The following ZNF397 variants were observed in gnomAD, a reference collection of about 807,000 sequenced individuals.
ZNF397 encodes the protein zinc finger protein 397.
ZNF397 carries 38 observed loss-of-function variants against 50.6 expected under a neutral mutation model. That is an observed-to-expected ratio of 0.75 (90% CI 0.58 to 0.98). The LOEUF is 0.98. Ranked by LOEUF, ZNF397 falls within the 50% of genes least tolerant of loss-of-function variation. The pLI is 0.00. For synonymous variants in ZNF397, 228 were observed against 215.2 expected (o/e 1.06, Z -0.52); for missense variants, 624 against 624.1 (o/e 1.00, Z 0.00).
intron 5 of ZNF397, chr18:35,255,046 A>T (rs1364565746): frequency 6.5e-6 from 1 of 153,462 alleles, no homozygotes; most frequent in Non-Finnish European, 1.5e-5. Context: ...TTGCACTTAA[A>T]TCATCCATGG....
rs1041252610 is a variant in ZNF397, at chr18:35,245,896, T to C, written c.1191T>C (p.Tyr397=). Reference sequence around the variant, plus strand: ...GAATTCACACTGGTGAGAAACCTTATGAGTGTAATGAATGTGGGAAAACCT... The same window carrying C: ...GAATTCACACTGGTGAGAAACCTTACGAGTGTAATGAATGTGGGAAAACCT... ...HQRIHTGEKP[Y]ECNECGKTFS... is the part of the protein sequence containing the mutation. Residue 397 remains tyrosine (Y), a synonymous_variant, in exon 4 of 4, where the codon TAT becomes TAC. Coordinates refer to ENST00000330501, the MANE Select transcript of ZNF397 (RefSeq NM_001135178.3). 5.1e-6 allele frequency: 8 copies of C among 1,563,530 alleles called. No homozygotes were observed. The highest frequency in any genetic ancestry group is 1.4e-5 in the African/African-American group (1 of 73,284).
chr18:35,248,163 C>G lies in ZNF397; in HGVS notation c.*1853C>G. 1 of 152,098 alleles carries G rather than the reference C, an allele frequency of 6.6e-6. No homozygotes were observed. The highest frequency in any genetic ancestry group is 1.9e-4 in the East Asian group (1 of 5,192). The allele number at this position is 152,098 out of a possible 1,614,324, so 9.4% of individuals were successfully genotyped here. A position where few individuals can be genotyped will look rare whatever the true frequency, so the allele number is the denominator to read the frequency against. ...GACATATTCAAAAGACCTAATAGGTCAGAAGAATAACATACCACACCAAAA... is the reference window on the plus strand; with the variant it reads ...GACATATTCAAAAGACCTAATAGGTGAGAAGAATAACATACCACACCAAAA... On this transcript the variant is annotated 3_prime_UTR_variant, in exon 4 of 4. Coordinates refer to ENST00000330501, the MANE Select transcript of ZNF397 (RefSeq NM_001135178.3).
chr18:35,253,442 CCA>C, downstream of ZNF397: 1 of 1,549,986 alleles, frequency 6.5e-7, no homozygotes, highest in Non-Finnish European at 8.7e-7. Context: ...CAACTCTTAC[CCA>C]CAGAGTTAAA....
At chr18:35,243,689 G>A (rs1912706895) in intron 3 of ZNF397, 2 of 395,236 alleles carry the variant, frequency 5.1e-6, no homozygotes, top group African/African-American at 2.0e-5. Flanking sequence ...CCCAATCTTA[G>A]AGGATCAAGG....
downstream of ZNF397, chr18:35,254,203 C>A: frequency 3.7e-6 from 6 of 1,614,120 alleles, no homozygotes; most frequent in Non-Finnish European, 5.1e-6. Flanking sequence ...TGATTTTGTT[C>A]CCTGCAGCAT....
rs1298023875 is a variant in ZNF397, at chr18:35,246,389, A to C, written c.*79A>C. On this transcript the variant is annotated 3_prime_UTR_variant, in exon 4 of 4. Transcript: ENST00000330501. ...AGTCAAAAGAGTTTACTTTGGAGCAAAACTCCATAAAGGTTATAAAATACT... is the reference window on the plus strand; with the variant it reads ...AGTCAAAAGAGTTTACTTTGGAGCACAACTCCATAAAGGTTATAAAATACT... 6.2e-6 allele frequency: 9 copies of C among 1,462,942 alleles called. No individual in the cohort carries two copies. Among genetic ancestry groups the C allele is most frequent in the Non-Finnish European group, 8.1e-6 (9 of 1,109,034 alleles). 90.6% of individuals were successfully genotyped at this position (1,462,942 alleles called of 1,614,324 possible).
At position 35,245,297 on chromosome 18, in the gene ZNF397, ATC is replaced by A. The variant is rs763118357; in HGVS notation, c.595_596del (p.Ser199ArgfsTer17). 1.2e-6 allele frequency: 2 copies of A among 1,610,606 alleles called. No individual in the cohort carries two copies. Among genetic ancestry groups the A allele is most frequent in the Non-Finnish European group, 1.7e-6 (2 of 1,177,694 alleles). The part of the protein sequence containing the change: ...ENSETATKEG[I>X]SEEKSQGLPQ... ...CAGTGAAACAGCAACAAAAGAGGGC[ATC>A]TCAGAAGAAAAATCACAGGGACTCC... On this transcript the variant is annotated frameshift_variant, in exon 4 of 4. Transcript: ENST00000330501. LOFTEE classifies it high-confidence loss of function.
At position 35,248,882 on chromosome 18, in the gene ZNF397, T is replaced by C. The variant is rs190907370; in HGVS notation, c.*2572T>C. 1 of 152,252 alleles carries C rather than the reference T, an allele frequency of 6.6e-6. No homozygotes were observed. The highest frequency in any genetic ancestry group is 1.9e-4 in the East Asian group (1 of 5,174). The allele number at this position is 152,252 out of a possible 1,614,324, so 9.4% of individuals were successfully genotyped here. A position where few individuals can be genotyped will look rare whatever the true frequency, so the allele number is the denominator to read the frequency against. On this transcript the variant is annotated 3_prime_UTR_variant, in exon 4 of 4. Transcript: ENST00000330501. The stretch of plus-strand genomic sequence containing the variant: ...AAAAGTAAATGTAATAGATACTTGC[T>C]AAGGGCTTTGTATATACTTATTATT...
chr18:35,242,325 T>C lies in ZNF397; in HGVS notation c.-80-66T>C, dbSNP rs1032951740. 4.2e-6 allele frequency: 3 copies of C among 722,128 alleles called. No homozygotes were observed. In the African/African-American group the frequency reaches 5.3e-5, roughly 13 times the overall value. The allele number at this position is 722,128 out of a possible 1,614,324, so 44.7% of individuals were successfully genotyped here. A position where few individuals can be genotyped will look rare whatever the true frequency, so the allele number is the denominator to read the frequency against. On this transcript the variant is annotated intron_variant, in intron 1 of 3. Coordinates refer to ENST00000330501, the MANE Select transcript of ZNF397 (RefSeq NM_001135178.3). Reference sequence around the variant, plus strand: ...CAATATATTACTAAAGTTACTCATCTTTCTTATTACAAGTACTTAGAGATT... The same window carrying C: ...CAATATATTACTAAAGTTACTCATCCTTCTTATTACAAGTACTTAGAGATT...
At chr18:35,253,403 CA>C, downstream of ZNF397, 1 of 1,483,222 alleles carries the variant, frequency 6.7e-7, no homozygotes, top group Non-Finnish European at 9.1e-7. Context: ...CTCACCCCTA[CA>C]GTGAACTCCT....
downstream of ZNF397, chr18:35,259,181 A>G (rs1288633013): frequency 6.6e-6 from 1 of 152,166 alleles, no homozygotes. Context: ...TGGCTTGCAG[A>G]TGATGGCCAC....
In ZNF397 at chr18:35,248,962, A is replaced by G. The variant is rs1266492156; in HGVS notation, c.*2652A>G. On this transcript the variant is annotated 3_prime_UTR_variant, in exon 4 of 4. Coordinates refer to ENST00000330501, the MANE Select transcript of ZNF397 (RefSeq NM_001135178.3). The stretch of plus-strand genomic sequence containing the variant: ...AGGAAATGAAGGCTAAAGGTCATAT[A>G]TCTACAAAGTGGGGAGGTCAGACTT... The G allele has an allele frequency of 6.6e-6, 1 of 152,212 alleles. No individual in the cohort carries two copies. Among genetic ancestry groups the G allele is most frequent in the East Asian group, 1.9e-4 (1 of 5,198 alleles). 9.4% of individuals were successfully genotyped at this position (152,212 alleles called of 1,614,324 possible).
At position 35,247,506 on chromosome 18, in the gene ZNF397, AT is replaced by A. The variant is rs1400270058; in HGVS notation, c.*1199del. 5.3e-5 allele frequency: 8 copies of A among 152,080 alleles called. No homozygotes were observed. The highest frequency in any genetic ancestry group is 7.3e-5 in the Non-Finnish European group (5 of 68,038). 9.4% of individuals were successfully genotyped at this position (152,080 alleles called of 1,614,324 possible). ...GCTCTGGATCAGAAGCTGCCATATC[AT>A]TTGTTTCTGGGGCTATACGCCCACA... is the stretch of plus-strand genomic sequence containing the variant. On this transcript the variant is annotated 3_prime_UTR_variant, in exon 4 of 4. Coordinates refer to ENST00000330501, the MANE Select transcript of ZNF397 (RefSeq NM_001135178.3).
In ZNF397 at chr18:35,242,770, C is replaced by T. The variant is rs970679688; in HGVS notation, c.300C>T (p.Ser100=). 2.5e-6 allele frequency: 4 copies of T among 1,614,070 alleles called. No homozygotes were observed. Among genetic ancestry groups the T allele is most frequent in the African/African-American group, 1.3e-5 (1 of 74,946 alleles). Residue 100 remains serine (S), a synonymous_variant, in exon 2 of 4, where the codon AGC becomes AGT. Coordinates refer to ENST00000330501, the MANE Select transcript of ZNF397 (RefSeq NM_001135178.3). ...TGCTGGTACTGGAGCAGTTCCTGAG[C>T]ATTCTGCCTGAGGAGCTGCAGATCT... is the stretch of plus-strand genomic sequence containing the variant. ...LELLVLEQFL[S]ILPEELQIWV...
exon 6 of ZNF397, chr18:35,258,269 G>A (rs1353601357): frequency 1.3e-5 from 5 of 394,782 alleles, no homozygotes; most frequent in African/African-American, 2.0e-5. Context: ...AATGGAGAAC[G>A]AGTAAATTTT....
chr18:35,245,142 AAAGATACTG>A, intron 3 of ZNF397, 111 bp from the exon 4 acceptor site: 1 of 1,344,264 alleles, frequency 7.4e-7, no homozygotes, highest in East Asian at 2.6e-5. Context: ...AGTTGAAAAA[AAAGATACTG>A]GAGGACAGTG....
chr18:35,242,000 T>G (rs1912536692), intron 1 of ZNF397, among the ~76,000 whole-genome samples: 2 of 152,232 alleles, frequency 1.3e-5, no homozygotes, highest in South Asian at 4.1e-4. Flanking sequence ...CTCTTGGAAG[T>G]CTGATTCTGA....
In ZNF397 at chr18:35,246,437, T is replaced by G; in HGVS notation, c.*127T>G. On this transcript the variant is annotated 3_prime_UTR_variant, in exon 4 of 4. Transcript: ENST00000330501. ...ACTAGGTCTTGAGTCTAGCTTGCTT[T>G]GTGCAGCATTTCCCAGTGCTAATGT... 1 of 1,445,462 alleles carries G rather than the reference T, an allele frequency of 6.9e-7. No homozygotes were observed. The highest frequency in any genetic ancestry group is 9.1e-7 in the Non-Finnish European group (1 of 1,101,508). 89.5% of individuals were successfully genotyped at this position (1,445,462 alleles called of 1,614,324 possible).
At chr18:35,244,489 G>A (rs1569043215) in intron 3 of ZNF397, among the ~76,000 whole-genome samples, 1 of 152,098 alleles carries the variant, frequency 6.6e-6, no homozygotes, top group African/African-American at 2.4e-5. Context: ...TGTAATGGAA[G>A]CCAAGGGTAG....
Sources: gnomAD v4.1 joint callset for allele counts (sites outside exome capture counted in the v4.1 genomes callset) on GRCh38, gnomAD v4.1.1 for gene constraint, MANE v1.5 for transcripts, NCBI Gene and HGNC (gene_info 2026-07-23, HGNC 2026-07-21) for gene names.